Variants in CCNT1 observed in about 807,000 individuals in gnomAD.
The protein encoded by CCNT1 is cyclin-T1.
Under a neutral mutation model 67.3 loss-of-function variants are expected in CCNT1, and 18 were observed. The ratio of observed to expected loss-of-function variants is 0.27; its 90% CI spans 0.18 to 0.40. CCNT1 has a LOEUF of 0.40. Among genes scored for constraint, CCNT1 ranks in the 10% least tolerant of loss-of-function variants. CCNT1 has a pLI of 1.00. For synonymous variants in CCNT1, 333 were observed against 310.3 expected, an observed-to-expected ratio of 1.07 and a Z score of -0.77; for missense variants, 744 against 884.9, an observed-to-expected ratio of 0.84 and a Z score of 2.02.
At position 48,693,373 on chromosome 12, in the gene CCNT1, G is replaced by A. The variant is rs1428830457; in HGVS notation, c.1841C>T (p.Pro614Leu). 1.2e-6 allele frequency: 2 copies of A among 1,614,210 alleles called. No individual in the cohort carries two copies. Among genetic ancestry groups the A allele is most frequent in the Admixed American group, 1.7e-5 (1 of 60,018 alleles). Residue 614 changes from proline to leucine, a missense_variant, in exon 9 of 9, where the codon CCT becomes CTT. Pro to Leu is a moderately conservative substitution (Grantham distance 98, BLOSUM62 -3). Transcript: ENST00000261900. The stretch of plus-strand genomic sequence containing the variant: ...GCCACTTGTGTCTGAGCTATGCCCA[G>A]GCATCTGACCCATTGTAGGAAGTGA... Reference protein sequence around the residue: ...FPSLPTMGQMPGHSSDTSGLS... With the variant: ...FPSLPTMGQMLGHSSDTSGLS...
intron 2 of CCNT1, among the ~76,000 whole-genome samples, chr12:48,707,321 CTG>C (rs1345527520): frequency 6.8e-6 from 1 of 147,660 alleles, no homozygotes; most frequent in African/African-American, 2.5e-5. Context: ...GCATCTCACT[CTG>C]TCACCCAGCT....
Position 48,716,695 on chromosome 12 carries a change from A to G in CCNT1, c.-20T>C. On this transcript the variant is annotated 5_prime_UTR_variant, in exon 1 of 9. Transcript: ENST00000261900. ...CTCCATAGTGCTTCAACCAGAAGGCAGCGGCGAAGGCTGCAGGCACTTCCC... is the reference window on the plus strand; with the variant it reads ...CTCCATAGTGCTTCAACCAGAAGGCGGCGGCGAAGGCTGCAGGCACTTCCC... The G allele has an allele frequency of 1.2e-6, 2 of 1,609,762 alleles. No individual in the cohort carries two copies. The highest frequency in any genetic ancestry group is 1.7e-6 in the Non-Finnish European group (2 of 1,177,052).
intron 3 of CCNT1, among the ~76,000 whole-genome samples, chr12:48,702,394 T>C (rs540775216): frequency 1.3e-5 from 2 of 152,340 alleles, no homozygotes; most frequent in African/African-American, 2.4e-5. Context: ...GCCAAAGCTA[T>C]AGCCACTAGC....
chr12:48,704,223 CA>C (rs1010040558), intron 3 of CCNT1, among the ~76,000 whole-genome samples: 1 of 152,182 alleles, frequency 6.6e-6, no homozygotes, highest in African/African-American at 2.4e-5. Context: ...GTCTATATAA[CA>C]GGGGGTCCAT....
rs17123261 is a variant in CCNT1 at position 48,694,129 on chromosome 12, T to C, written c.1085A>G (p.His362Arg). 3,946 of 1,614,236 alleles carry C rather than the reference T, an allele frequency of 2.4e-3. 81 individuals carry two copies. In the African/African-American group the frequency reaches 0.047, roughly 19 times the overall value. ...SENLALTGVD[H>R]SLPQDGSNAF... ...ATTTGAACCATCCTGTGGTAAGGAA[T>C]GATCAACTCCTGTAAGTGCTAAATT... Residue 362 changes from histidine (H) to arginine (R), a missense_variant, in exon 9 of 9, where the codon CAT (histidine) becomes CGT (arginine). By Grantham distance (29) the His-to-Arg change is conservative (BLOSUM62 0). Around this residue, in one of 3 missense-constraint regions of CCNT1, gnomAD observed 564 missense variants for 574.2 expected, o/e 0.98. Transcript: ENST00000261900.
At chr12:48,713,061 G>C (rs1248237963) in intron 2 of CCNT1, among the ~76,000 whole-genome samples, 2 of 151,954 alleles carry the variant, frequency 1.3e-5, no homozygotes, top group Admixed American at 6.6e-5. Context: ...TCAATTCCAA[G>C]TCATTTATAA....
rs1940066311 is a variant in CCNT1, at chr12:48,691,173, T to C, written c.*1860A>G. On this transcript the variant is annotated 3_prime_UTR_variant, in exon 9 of 9. Coordinates refer to ENST00000261900, the MANE Select transcript of CCNT1 (RefSeq NM_001240.4). ...CTCTAGACAGTTCAAATATGCAAGA[T>C]GCAGGGCACTAACCCACCGTCAGTT... is the stretch of plus-strand genomic sequence containing the variant. 6.6e-6 allele frequency: 1 copy of C among 152,244 alleles called. No homozygotes were observed. Among genetic ancestry groups the C allele is most frequent in the Non-Finnish European group, 1.5e-5 (1 of 68,046 alleles). 9.4% of individuals were successfully genotyped at this position (152,244 alleles called of 1,614,324 possible).
Position 48,693,573 on chromosome 12 carries a change from A to G in CCNT1, c.1641T>C (p.His547=), listed in dbSNP as rs1216166233. ...GTGCTAAGTTGCTTGTCTGGCTACT[A>G]TGTTTTGGATCACCAGGACGTTTGT... ...TGNKRPGDPK[H]SSQTSNLAHK... The change falls in exon 9 of 9, where the codon CAT becomes CAC. Residue 547 remains histidine, a synonymous_variant. Coordinates refer to ENST00000261900, the MANE Select transcript of CCNT1 (RefSeq NM_001240.4). The G allele has an allele frequency of 8.7e-6, 14 of 1,614,076 alleles. No individual in the cohort carries two copies. Among genetic ancestry groups the G allele is most frequent in the Non-Finnish European group, 1.1e-5 (13 of 1,180,012 alleles).
At chr12:48,706,914 A>T (rs1033248189) in intron 2 of CCNT1, among the ~76,000 whole-genome samples, 27 of 152,192 alleles carry the variant, frequency 1.8e-4, no homozygotes, top group South Asian at 2.1e-4. Context: ...TTAAAACAAA[A>T]TTTTTTTAGG....
chr12:48,705,430 CTTTT>C (rs575520492), intron 3 of CCNT1, among the ~76,000 whole-genome samples: 1 of 147,992 alleles, frequency 6.8e-6, no homozygotes, highest in Non-Finnish European at 1.5e-5. Context: ...CCACATCTGG[CTTTT>C]TTTTTTCTTT....
chr12:48,698,786 C>T (rs1467792739), intron 5 of CCNT1, among the ~76,000 whole-genome samples: 1 of 152,006 alleles, frequency 6.6e-6, no homozygotes, highest in East Asian at 1.9e-4. Flanking sequence ...GGAGAAACCC[C>T]GTCTCTACTA....
chr12:48,714,351 T>C, intron 2 of CCNT1, 92 bp downstream of exon 2: 2 of 756,086 alleles, frequency 2.6e-6, no homozygotes, highest in Non-Finnish European at 4.6e-6. Context: ...AAAGTTCAAG[T>C]TACAGTTCAG....
At chr12:48,714,748 T>C (rs1342542271) in intron 1 of CCNT1, among the ~76,000 whole-genome samples, 1 of 152,200 alleles carries the variant, frequency 6.6e-6, no homozygotes, top group Non-Finnish European at 1.5e-5. Flanking sequence ...ATATTTAATA[T>C]AAATGTACTG....
intron 2 of CCNT1, among the ~76,000 whole-genome samples, chr12:48,706,568 A>G (rs12825586): frequency 0.01 from 1,595 of 152,354 alleles, 46 homozygotes; most frequent in Admixed American, 0.058. Flanking sequence ...ATAAAAGTAG[A>G]TAACAAACTT....
chr12:48,703,360 G>A (rs141243138), intron 3 of CCNT1, among the ~76,000 whole-genome samples: 2,012 of 151,774 alleles, frequency 0.013, 41 homozygotes, highest in African/African-American at 0.046. Flanking sequence ...GATAACCTCA[G>A]GTCAGGAGTT....
chr12:48,697,258 A>G (rs1393989290), intron 6 of CCNT1, among the ~76,000 whole-genome samples: 2 of 152,102 alleles, frequency 1.3e-5, no homozygotes. Context: ...AGTGGTTTAC[A>G]CCTGTAATCC....
At chr12:48,699,678 A>T in intron 5 of CCNT1, 100 bp downstream of exon 5, 1 of 750,106 alleles carries the variant, frequency 1.3e-6, no homozygotes, top group African/African-American at 1.8e-5. Flanking sequence ...AGGCCTTTAA[A>T]TTTAGCCAAA....
intron 6 of CCNT1, among the ~76,000 whole-genome samples, chr12:48,697,053 C>T (rs1440628153): frequency 6.6e-6 from 1 of 151,970 alleles, no homozygotes. Flanking sequence ...AGGTTGGTCT[C>T]GAACTCCTAG....
intron 2 of CCNT1, among the ~76,000 whole-genome samples, chr12:48,707,503 A>G (rs1386157151): frequency 6.6e-6 from 1 of 151,944 alleles, no homozygotes; most frequent in Non-Finnish European, 1.5e-5. Flanking sequence ...CAGGCTGCTC[A>G]AACTCCTGGG....
Sources: allele counts gnomAD v4.1 joint callset (sites outside exome capture counted in the v4.1 genomes callset), GRCh38; gene constraint gnomAD v4.1.1; regional missense constraint gnomAD v4.1.1; transcripts MANE v1.5; gene names NCBI Gene and HGNC (gene_info 2026-07-23, HGNC 2026-07-21).